The following INSR variants were observed in gnomAD, a reference collection of about 807,000 sequenced individuals.
INSR encodes IR.
Under a neutral mutation model 142.6 loss-of-function variants are expected in INSR, and 67 were observed. That is an observed-to-expected ratio of 0.47 (90% CI 0.39 to 0.58). INSR has a LOEUF of 0.58. Ranked by LOEUF, INSR falls within the 20% of genes least tolerant of loss-of-function variation. The probability of loss-of-function intolerance (pLI) is 0.00; values close to 1 mark genes in which losing one functional copy is unlikely to be tolerated. For missense variants in INSR, 1,248 were observed against 1,833.2 expected (o/e 0.68, Z 5.83); for synonymous variants, 756 against 743.1 (o/e 1.02, Z -0.28).
At chr19:7,239,660 A>G (rs1976279480) in intron 2 of INSR, among the ~76,000 whole-genome samples, 1 of 152,184 alleles carries the variant, frequency 6.6e-6, no homozygotes, top group Admixed American at 6.6e-5. Context: ...TCATTGCAGC[A>G]TTGTTTATAA....
chr19:7,188,357 C>G (rs1393802016), intron 2 of INSR, among the ~76,000 whole-genome samples: 1 of 150,314 alleles, frequency 6.7e-6, no homozygotes, highest in Non-Finnish European at 1.5e-5. Context: ...ACCAGCCTGG[C>G]CAACATGGTA....
chr19:7,139,160 G>A (rs541961208), intron 13 of INSR, among the ~76,000 whole-genome samples: 1 of 152,306 alleles, frequency 6.6e-6, no homozygotes, highest in South Asian at 2.1e-4. Flanking sequence ...CCCCAGCTGA[G>A]GCCCCAGCCA....
chr19:7,193,750 C>A (rs950192267), intron 2 of INSR, among the ~76,000 whole-genome samples: 8 of 151,950 alleles, frequency 5.3e-5, no homozygotes, highest in Non-Finnish European at 1.0e-4. Flanking sequence ...AGTGCAGTGG[C>A]ATGATCTTGG....
At chr19:7,289,576 T>G (rs1968436825) in intron 1 of INSR, among the ~76,000 whole-genome samples, 1 of 151,800 alleles carries the variant, frequency 6.6e-6, no homozygotes, top group South Asian at 2.1e-4. Flanking sequence ...TGGCTAATTT[T>G]TGCATTTTTA....
At chr19:7,245,465 T>C (rs553995371) in intron 2 of INSR, among the ~76,000 whole-genome samples, 13 of 152,132 alleles carry the variant, frequency 8.5e-5, no homozygotes, top group African/African-American at 2.4e-4. Context: ...CATTCTTTTT[T>C]TGAAGACAGA....
intron 11 of INSR, 94 bp from the exon 12 acceptor site, chr19:7,143,184 A>C: frequency 7.0e-7 from 1 of 1,419,292 alleles, no homozygotes; most frequent in Non-Finnish European, 9.9e-7. Context: ...TTAAGAAGAA[A>C]GATCAGAGCG....
intron 2 of INSR, among the ~76,000 whole-genome samples, chr19:7,218,065 T>G (rs1446159042): frequency 6.6e-6 from 1 of 152,016 alleles, no homozygotes; most frequent in Non-Finnish European, 1.5e-5. Context: ...AGTCCCTGCC[T>G]TGTGGCGGGG....
chr19:7,201,751 C>G (rs559342822), intron 2 of INSR, among the ~76,000 whole-genome samples: 1 of 146,222 alleles, frequency 6.8e-6, no homozygotes, highest in African/African-American at 2.6e-5. Context: ...CAAGCTCCCC[C>G]TCCCGGGTTC....
At chr19:7,142,291 G>A (rs1434418237) in intron 12 of INSR, among the ~76,000 whole-genome samples, 2 of 149,418 alleles carry the variant, frequency 1.3e-5, no homozygotes, top group Non-Finnish European at 3.0e-5. Flanking sequence ...TCAGGAGGCT[G>A]AGGCAGGAGA....
At chr19:7,174,150 G>A (rs1235048195) in intron 4 of INSR, among the ~76,000 whole-genome samples, 8 of 151,366 alleles carry the variant, frequency 5.3e-5, no homozygotes, top group Non-Finnish European at 7.4e-5. Context: ...AAATTAGCCC[G>A]GCACAGTGAC....
intron 2 of INSR, among the ~76,000 whole-genome samples, chr19:7,189,664 CTTTTTTTT>C (rs35476514): frequency 1.3e-4 from 19 of 141,570 alleles, no homozygotes; most frequent in Middle Eastern, 3.3e-3. Flanking sequence ...TTTACTATTA[CTTTTTTTT>C]TTTTTTTTTG....
intron 2 of INSR, among the ~76,000 whole-genome samples, chr19:7,231,295 G>GTTTTTTTTTTTT (rs59830751): frequency 3.7e-5 from 5 of 135,036 alleles, no homozygotes; most frequent in African/African-American, 1.4e-4. Context: ...GGTGTTTTTT[G>GTTTTTTTTTTTT]TTTTTTTTTT....
chr19:7,254,675 G>A (rs995485085), intron 2 of INSR, among the ~76,000 whole-genome samples: 12 of 152,192 alleles, frequency 7.9e-5, no homozygotes, highest in Admixed American at 2.6e-4. Context: ...TGACACAGGC[G>A]CATTGAGAGA....
chr19:7,282,980 G>GTAACAA (rs1555692051), intron 1 of INSR, among the ~76,000 whole-genome samples: 6 of 146,356 alleles, frequency 4.1e-5, no homozygotes, highest in African/African-American at 1.5e-4. Flanking sequence ...CTCAAAAAAA[G>GTAACAA]TAATAATAAT....
intron 2 of INSR, among the ~76,000 whole-genome samples, chr19:7,220,624 G>A (rs1975583286): frequency 6.6e-6 from 1 of 152,120 alleles, no homozygotes; most frequent in South Asian, 2.1e-4. Context: ...CCAACTCTAG[G>A]TAGGTTCGGT....
In INSR at chr19:7,113,235, C is replaced by A. The variant is rs1599859260; in HGVS notation, c.*3821G>T. ...GACTACAAATAAACACCTCCCAATCCAATAAGCACATTTCTTGGTGGACTA... is the reference window on the plus strand; with the variant it reads ...GACTACAAATAAACACCTCCCAATCAAATAAGCACATTTCTTGGTGGACTA... On this transcript the variant is annotated 3_prime_UTR_variant, in exon 22 of 22. Transcript: ENST00000302850. The A allele has an allele frequency of 6.6e-6, 1 of 152,188 alleles. No individual in the cohort carries two copies. Among genetic ancestry groups the A allele is most frequent in the Non-Finnish European group, 1.5e-5 (1 of 68,034 alleles). 9.4% of individuals were successfully genotyped at this position (152,188 alleles called of 1,614,324 possible). A position where few individuals can be genotyped will look rare whatever the true frequency, so the allele number is the denominator to read the frequency against.
At chr19:7,153,798 G>A (rs1258772116) in intron 9 of INSR, among the ~76,000 whole-genome samples, 2 of 151,966 alleles carry the variant, frequency 1.3e-5, no homozygotes, top group East Asian at 3.9e-4. Context: ...TGAGGATCAC[G>A]TGAGCCCAGG....
rs149013063 is a variant in INSR, at chr19:7,119,729, C to A, written c.3660-146G>T. On this transcript the variant is annotated intron_variant, in intron 20 of 21. Transcript: ENST00000302850. The surrounding 1 kb of genome is among the most constrained non-coding windows in gnomAD (Gnocchi z 5.2). ...ATGCAAACACACACATGCAAACACA[C>A]ACGCACATACACGTGCACACACATG... The A allele has an allele frequency of 1.2e-6, 1 of 860,886 alleles. No individual in the cohort carries two copies. Among genetic ancestry groups the A allele is most frequent in the Non-Finnish European group, 1.9e-6 (1 of 528,050 alleles). The allele number at this position is 860,886 out of a possible 1,614,324, so 53.3% of individuals were successfully genotyped here. A position where few individuals can be genotyped will look rare whatever the true frequency, so the allele number is the denominator to read the frequency against.
chr19:7,251,058 C>T (rs568929161), intron 2 of INSR, among the ~76,000 whole-genome samples: 1 of 152,188 alleles, frequency 6.6e-6, no homozygotes, highest in Admixed American at 6.5e-5. Context: ...TTCTTTGTGG[C>T]TGGGCTGTCT....
Sources: gnomAD v4.1 joint callset for allele counts (sites outside exome capture counted in the v4.1 genomes callset) on GRCh38, gnomAD v4.1.1 for gene constraint, Gnocchi (gnomAD v3.1) non-coding constraint, MANE v1.5 for transcripts, NCBI Gene and HGNC (gene_info 2026-07-23, HGNC 2026-07-21) for gene names.